Variants in ANXA4 observed in about 807,000 individuals in gnomAD.
The protein encoded by ANXA4 is annexin A4.
Under a neutral mutation model 49.8 loss-of-function variants are expected in ANXA4, and 39 were observed. The observed-to-expected ratio is 0.78, with a 90% CI of 0.61 to 1.02. ANXA4 has a LOEUF of 1.02. Ranked by LOEUF, ANXA4 falls within the 50% of genes least tolerant of loss-of-function variation. The probability of loss-of-function intolerance (pLI) is 0.00; values close to 1 mark genes in which losing one functional copy is unlikely to be tolerated. For synonymous variants in ANXA4, 134 were observed against 152.5 expected (o/e 0.88, Z 0.89); for missense variants, 360 against 410.1 (o/e 0.88, Z 1.05).
upstream of ANXA4, among the ~76,000 whole-genome samples, chr2:69,741,576 G>C (rs1457522395): frequency 6.6e-6 from 1 of 152,276 alleles, no homozygotes; most frequent in Non-Finnish European, 1.5e-5. Context: ...ATGTGAAAGA[G>C]GGGAATGAAA....
intron 2 of ANXA4, among the ~76,000 whole-genome samples, chr2:69,693,209 G>A (rs766776387): frequency 3.9e-5 from 6 of 152,142 alleles, no homozygotes; most frequent in Non-Finnish European, 8.8e-5. Context: ...CTGCAATGCA[G>A]TTCGGAAGAA....
upstream of ANXA4, among the ~76,000 whole-genome samples, chr2:69,741,138 C>G (rs1670383037): frequency 6.6e-6 from 1 of 152,202 alleles, no homozygotes; most frequent in Admixed American, 6.5e-5. Context: ...TGTTACCTCT[C>G]CAGCTTTAAG....
chr2:69,758,067 A>G (rs2105514815), intron 1 of ANXA4, among the ~76,000 whole-genome samples: 1 of 152,180 alleles, frequency 6.6e-6, no homozygotes, highest in Non-Finnish European at 1.5e-5. Context: ...ATCCCAGTGT[A>G]GTAAACATGA....
rs1340092875 is a variant in ANXA4 at position 69,674,933 on chromosome 2, G to GT, written n.766+21658dup. Among the ~76,000 whole-genome samples, 706 of 72,908 alleles carry GT rather than the reference G, an allele frequency of 9.7e-3. 11 individuals carry two copies. Among genetic ancestry groups the GT allele is most frequent in the East Asian group, 0.019 (49 of 2,606 alleles). 47.8% of individuals were successfully genotyped at this position (72,908 alleles called of 152,430 possible). A position where few individuals can be genotyped will look rare whatever the true frequency, so the allele number is the denominator to read the frequency against. ...ATAAACTGTTTTTTTTTTTTTTTTC[G>GT]TTTTTTTGAGATGGAGTCTCGCTCT... On this transcript the variant is annotated intron_variant and non_coding_transcript_variant, in intron 2 of 3. Coordinates refer to the ANXA4 transcript ENST00000418066.
In ANXA4 at chr2:69,756,930, TA is replaced by T. The variant is rs1489961208; in HGVS notation, c.-47+14756del. 3.8e-3 allele frequency among the ~76,000 whole-genome samples: 413 copies of T among 109,486 alleles called. 5 individuals carry two copies. Among genetic ancestry groups the T allele is most frequent in the Admixed American group, 0.012 (110 of 9,214 alleles). The allele number at this position is 109,486 out of a possible 152,430, so 71.8% of individuals were successfully genotyped here. ...CTACTTATTAAATTAATTAATTAAT[TA>T]TTATTTTTTTTTTTTAGACAGAGTC... On this transcript the variant is annotated intron_variant, in intron 1 of 12. Coordinates refer to ENST00000394295, the MANE Select transcript of ANXA4 (RefSeq NM_001153.5).
chr2:69,756,836 G>A (rs1045882051), intron 1 of ANXA4, among the ~76,000 whole-genome samples: 1 of 150,756 alleles, frequency 6.6e-6, no homozygotes, highest in Non-Finnish European at 1.5e-5. Context: ...CCTAAAAATG[G>A]GCAAAAAATA....
chr2:69,652,049 A>G (rs951914996), intron 1 of ANXA4, among the ~76,000 whole-genome samples: 3 of 151,664 alleles, frequency 2.0e-5, no homozygotes, highest in Admixed American at 6.6e-5. Context: ...GTCTCACTCT[A>G]TCACCCAGGC....
chr2:69,667,796 G>T (rs997930112), intron 2 of ANXA4, among the ~76,000 whole-genome samples: 1 of 152,208 alleles, frequency 6.6e-6, no homozygotes, highest in Admixed American at 6.5e-5. Flanking sequence ...GCTTAGATGG[G>T]ACTTGCTGCT....
chr2:69,693,476 C>A (rs1442337672), intron 2 of ANXA4, among the ~76,000 whole-genome samples: 1 of 152,068 alleles, frequency 6.6e-6, no homozygotes, highest in African/African-American at 2.4e-5. Context: ...GGGGCTCAAG[C>A]AGATGGGCTT....
chr2:69,709,218 C>CT (rs35617630), intron 2 of ANXA4, among the ~76,000 whole-genome samples: 98,955 of 151,810 alleles, frequency 0.65, 34,397 homozygotes, highest in African/African-American at 0.89. Flanking sequence ...ACAGAAATTA[C>CT]TTAGAGTTAA....
At chr2:69,817,209 C>G (rs1214148063) in intron 9 of ANXA4, 1 of 151,894 alleles carries the variant, frequency 6.6e-6, no homozygotes, top group Non-Finnish European at 1.5e-5. Flanking sequence ...ATTTTCACTT[C>G]TGGGTACAAG....
At chr2:69,739,863 G>T (rs1670340261), upstream of ANXA4, among the ~76,000 whole-genome samples, 1 of 152,174 alleles carries the variant, frequency 6.6e-6, no homozygotes, top group African/African-American at 2.4e-5. Flanking sequence ...GTATTCTCGA[G>T]GGAAGCCTCC....
intron 11 of ANXA4, 66 bp downstream of exon 11, chr2:69,819,404 A>T: frequency 8.2e-7 from 1 of 1,222,034 alleles, no homozygotes. Context: ...TCTTAAGCTT[A>T]CTTATATCCC....
chr2:69,738,196 C>G (rs1670292452), upstream of ANXA4, among the ~76,000 whole-genome samples: 1 of 152,056 alleles, frequency 6.6e-6, no homozygotes, highest in Admixed American at 6.5e-5. Flanking sequence ...TGCCTGGAAG[C>G]CCTGAGTGCG....
At position 69,757,266 on chromosome 2, in the gene ANXA4, ATTTTT is replaced by A. The variant is rs1177266386; in HGVS notation, c.-47+15110_-47+15114del. On this transcript the variant is annotated intron_variant, in intron 1 of 12. Coordinates refer to ENST00000394295, the MANE Select transcript of ANXA4 (RefSeq NM_001153.5). ...TATATATATATATATATATATATATATTTTTTTTTTTTTTTTTTTTTTTAGGTGGA... is the reference window on the plus strand; with the variant it reads ...TATATATATATATATATATATATATATTTTTTTTTTTTTTTTTTAGGTGGA... 3.5e-3 allele frequency among the ~76,000 whole-genome samples: 96 copies of A among 27,620 alleles called. 1 individual carries two copies. Among genetic ancestry groups the A allele is most frequent in the East Asian group, 5.6e-3 (5 of 900 alleles). 18.1% of individuals were successfully genotyped at this position (27,620 alleles called of 152,430 possible).
chr2:69,819,355 T>C lies in ANXA4; in HGVS notation c.783+17T>C, dbSNP rs747296369. ...TCGATGAAGGTAAATGGCCTTATTTTCAGCATCTAAATGAATTTGAGTTAT... is the reference window on the plus strand; with the variant it reads ...TCGATGAAGGTAAATGGCCTTATTTCCAGCATCTAAATGAATTTGAGTTAT... On this transcript the variant is annotated intron_variant, in intron 11 of 12. Coordinates refer to ENST00000394295, the MANE Select transcript of ANXA4 (RefSeq NM_001153.5). 3 of 1,587,250 alleles carry C rather than the reference T, an allele frequency of 1.9e-6. No homozygotes were observed. The highest frequency in any genetic ancestry group is 2.6e-6 in the Non-Finnish European group (3 of 1,160,436).
chr2:69,726,721 AT>A (rs1669971947), intron 3 of ANXA4, among the ~76,000 whole-genome samples: 1 of 152,114 alleles, frequency 6.6e-6, no homozygotes, highest in South Asian at 2.1e-4. Flanking sequence ...TTGCTTTTGA[AT>A]TTTCTATCAA....
At chr2:69,806,684 C>T (rs537887288) in intron 5 of ANXA4, among the ~76,000 whole-genome samples, 186 bp downstream of exon 5, 3 of 152,296 alleles carry the variant, frequency 2.0e-5, no homozygotes, top group Non-Finnish European at 2.9e-5. Flanking sequence ...AGATCATGTC[C>T]TCTGGAGGAA....
intron 3 of ANXA4, among the ~76,000 whole-genome samples, chr2:69,799,716 C>G (rs1184591582): frequency 6.6e-6 from 1 of 152,182 alleles, no homozygotes; most frequent in African/African-American, 2.4e-5. Context: ...ACTACCTGGC[C>G]TAGCCTCTGC....
Sources: gnomAD v4.1 joint callset for allele counts (sites outside exome capture counted in the v4.1 genomes callset) on GRCh38, gnomAD v4.1.1 for gene constraint, MANE v1.5 for transcripts, NCBI Gene and HGNC (gene_info 2026-07-23, HGNC 2026-07-21) for gene names.